The following CD200R1 variants were observed in gnomAD, a reference collection of about 807,000 sequenced individuals.
CD200R1 encodes the protein cell surface glycoprotein CD200 receptor 1.
Under a neutral mutation model 38.1 loss-of-function variants are expected in CD200R1, and 30 were observed. The observed-to-expected ratio is 0.79, with a 90% CI of 0.59 to 1.07. The LOEUF (loss-of-function observed/expected upper bound fraction) is 1.07. Ranked by LOEUF, CD200R1 falls within the 50% of genes least tolerant of loss-of-function variation. The pLI is 0.00. For synonymous variants in CD200R1, 128 were observed against 152.1 expected (o/e 0.84, Z 1.16); for missense variants, 372 against 415.4 (o/e 0.90, Z 0.91).
chr3:112,953,312 A>G (rs936101817), intron 1 of CD200R1, among the ~76,000 whole-genome samples: 1 of 152,204 alleles, frequency 6.6e-6, no homozygotes, highest in Admixed American at 6.5e-5. Context: ...CCACTTGATC[A>G]TGATGAATGG....
intron 1 of CD200R1, among the ~76,000 whole-genome samples, chr3:112,962,268 G>T (rs550315466): frequency 6.8e-4 from 103 of 152,238 alleles, no homozygotes; most frequent in African/African-American, 2.4e-3. Flanking sequence ...ACCTAAGGCA[G>T]ATGTTGTGTA....
chr3:112,974,933 G>A lies in CD200R1; in HGVS notation c.-76C>T, dbSNP rs998389464. On this transcript the variant is annotated 5_prime_UTR_variant, in exon 1 of 8. Transcript: ENST00000308611. The stretch of plus-strand genomic sequence containing the variant: ...GTACAGAAGGAACTGTGCGCATGGT[G>A]AGACCCTCTCTGGTCAACTTCTCAG... 4 of 1,184,738 alleles carry A rather than the reference G, an allele frequency of 3.4e-6. No individual in the cohort carries two copies. In the Admixed American group the frequency reaches 5.3e-5, roughly 16 times the overall value. The allele number at this position is 1,184,738 out of a possible 1,614,324, so 73.4% of individuals were successfully genotyped here.
At chr3:112,955,803 T>G (rs1462430531) in intron 1 of CD200R1, among the ~76,000 whole-genome samples, 1 of 151,996 alleles carries the variant, frequency 6.6e-6, no homozygotes, top group African/African-American at 2.4e-5. Context: ...TTTTTTTTTT[T>G]TCAGTACTTT....
At position 112,928,870 on chromosome 3, in the gene CD200R1, A is replaced by G; in HGVS notation, c.715T>C (p.Cys239Arg). The G allele has an allele frequency of 1.2e-6, 2 of 1,613,932 alleles. No individual in the cohort carries two copies. Among genetic ancestry groups the G allele is most frequent in the Non-Finnish European group, 1.7e-6 (2 of 1,179,986 alleles). The change falls in exon 5 of 8, where the codon TGC becomes CGC. Residue 239 changes from cysteine to arginine, a missense_variant. Physicochemically the swap from Cys to Arg is radical, Grantham distance 180. Coordinates refer to ENST00000308611, the MANE Select transcript of CD200R1 (RefSeq NM_138806.4). ...TTGCCAGTCAAATGGGAGACGTGGC[A>G]GGTCACGGTAGACACATTGTGGACC... is the stretch of plus-strand genomic sequence containing the variant. The part of the protein sequence containing the change: ...WEVHNVSTVT[C>R]HVSHLTGNKS...
intron 6 of CD200R1, 37 bp from the exon 7 acceptor site, chr3:112,924,572 ACAT>A (rs1940240265): frequency 9.0e-7 from 1 of 1,110,104 alleles, no homozygotes. Flanking sequence ...AATGGAGGAA[ACAT>A]CATTGTTTAG....
intron 1 of CD200R1, among the ~76,000 whole-genome samples, chr3:112,968,339 CA>C (rs1175121972): frequency 3.3e-5 from 5 of 152,096 alleles, no homozygotes; most frequent in Admixed American, 6.6e-5. Context: ...TGTAAAAATA[CA>C]ATAATATTTT....
chr3:112,941,244 G>A (rs1387301205), intron 2 of CD200R1, among the ~76,000 whole-genome samples: 4 of 151,594 alleles, frequency 2.6e-5, no homozygotes, highest in African/African-American at 9.7e-5. Flanking sequence ...TTATAGTACT[G>A]TAGGATGACT....
At chr3:112,924,423 A>G in intron 7 of CD200R1, 67 bp downstream of exon 7, 1 of 1,180,688 alleles carries the variant, frequency 8.5e-7, no homozygotes, top group Non-Finnish European at 1.1e-6. Context: ...ACAAACTACA[A>G]ATTATGTTGC....
At chr3:112,974,738 G>A in intron 1 of CD200R1, 53 bp downstream of exon 1, 3 of 1,167,172 alleles carry the variant, frequency 2.6e-6, no homozygotes, top group Admixed American at 1.7e-5. Context: ...ATAAACTCAG[G>A]AAGAGCTGAG....
chr3:112,940,610 T>C (rs1404580102), intron 2 of CD200R1, among the ~76,000 whole-genome samples: 1 of 151,722 alleles, frequency 6.6e-6, no homozygotes, highest in Non-Finnish European at 1.5e-5. Flanking sequence ...GGAGATATCA[T>C]TCACCCCAGT....
intron 1 of CD200R1, among the ~76,000 whole-genome samples, chr3:112,955,531 C>T (rs1439568264): frequency 1.4e-5 from 2 of 142,830 alleles, no homozygotes; most frequent in South Asian, 2.4e-4. Context: ...TTTTTTGAGA[C>T]GGAGTTTCGC....
intron 2 of CD200R1, among the ~76,000 whole-genome samples, chr3:112,938,947 T>A (rs1940652134): frequency 6.6e-6 from 1 of 152,074 alleles, no homozygotes; most frequent in Admixed American, 6.6e-5. Flanking sequence ...ACCTCAGATA[T>A]GCAAGGATGG....
intron 2 of CD200R1, among the ~76,000 whole-genome samples, chr3:112,941,644 G>GA (rs1201066541): frequency 6.6e-6 from 1 of 150,998 alleles, no homozygotes; most frequent in African/African-American, 2.4e-5. Flanking sequence ...TTAAAAAAAT[G>GA]AAAAAAATAA....
chr3:112,964,767 T>C (rs1355358810), intron 1 of CD200R1, among the ~76,000 whole-genome samples: 1 of 152,144 alleles, frequency 6.6e-6, no homozygotes, highest in Admixed American at 6.5e-5. Context: ...GGTCTTGAAA[T>C]GTGAGGACAT....
At chr3:112,945,977 G>GCACTCC (rs1227963259) in intron 2 of CD200R1, among the ~76,000 whole-genome samples, 1 of 141,426 alleles carries the variant, frequency 7.1e-6, no homozygotes, top group African/African-American at 2.7e-5. Flanking sequence ...AGCTTGCAGT[G>GCACTCC]AGCCAAGATC....
chr3:112,942,133 G>C (rs1940741910), intron 2 of CD200R1, among the ~76,000 whole-genome samples: 2 of 151,562 alleles, frequency 1.3e-5, no homozygotes, highest in Admixed American at 6.6e-5. Context: ...CAAAAACTCA[G>C]ATCTATATCA....
At chr3:112,974,741 G>T in intron 1 of CD200R1, 50 bp downstream of exon 1, 5 of 1,174,764 alleles carry the variant, frequency 4.3e-6, no homozygotes, top group Non-Finnish European at 6.4e-6. Flanking sequence ...AACTCAGGAA[G>T]AGCTGAGACC....
chr3:112,923,683 A>G lies in CD200R1; in HGVS notation c.1041T>C (p.Thr347=). The change falls in exon 8 of 8, where the codon ACT becomes ACC. Residue 347 remains threonine (T), a synonymous_variant. Coordinates refer to ENST00000308611, the MANE Select transcript of CD200R1 (RefSeq NM_138806.4). ...LQSEVDTDLH[T]L ...GGTACTAGAGTCCAACAACTTATAA[A>G]GTATGGAGGTCTGTGTCAACTTCAC... 6.7e-7 allele frequency: 1 copy of G among 1,492,760 alleles called. No homozygotes were observed. Among genetic ancestry groups the G allele is most frequent in the Non-Finnish European group, 9.3e-7 (1 of 1,077,840 alleles). The allele number at this position is 1,492,760 out of a possible 1,614,324, so 92.5% of individuals were successfully genotyped here. A position where few individuals can be genotyped will look rare whatever the true frequency, so the allele number is the denominator to read the frequency against.
intron 6 of CD200R1, 56 bp downstream of exon 6, chr3:112,925,029 G>A: frequency 9.8e-7 from 1 of 1,016,712 alleles, no homozygotes; most frequent in South Asian, 1.3e-5. Flanking sequence ...CCATATTTCT[G>A]ACTCTTTTCT....
Sources: allele counts gnomAD v4.1 joint callset (sites outside exome capture counted in the v4.1 genomes callset), GRCh38; gene constraint gnomAD v4.1.1; transcripts MANE v1.5; gene names NCBI Gene and HGNC (gene_info 2026-07-23, HGNC 2026-07-21).